CCDC83: variants seen among roughly 807,000 people sequenced by gnomAD.
CCDC83 encodes the protein coiled-coil domain containing 83.
CCDC83 carries 54 observed loss-of-function variants against 50.1 expected under a neutral mutation model. That is an observed-to-expected ratio of 1.08 (90% confidence interval 0.87 to 1.35). The LOEUF (loss-of-function observed/expected upper bound fraction) is 1.35. Ranked by LOEUF, CCDC83 falls within the 40% of genes most tolerant of loss-of-function variation. The probability of loss-of-function intolerance (pLI) is 0.00; values close to 1 mark genes in which losing one functional copy is unlikely to be tolerated. For synonymous variants in CCDC83, 161 were observed against 153.3 expected (o/e 1.05, Z -0.37); for missense variants, 518 against 473.9 (o/e 1.09, Z -0.86).
intron 1 of CCDC83, among the ~76,000 whole-genome samples, chr11:85,861,266 A>T (rs76925373): frequency 2.5e-4 from 38 of 152,334 alleles, no homozygotes; most frequent in African/African-American, 7.2e-4. Flanking sequence ...TCTAAGTTAG[A>T]TTGCTCTTTA....
At chr11:85,917,230 G>GAAAGAA (rs1554986935) in intron 10 of CCDC83, among the ~76,000 whole-genome samples, 1 of 134,276 alleles carries the variant, frequency 7.4e-6, no homozygotes, top group Non-Finnish European at 1.6e-5. Context: ...AAGAAAGAAA[G>GAAAGAA]AAAAGAAAGA....
chr11:85,906,866 C>G (rs563636737), intron 7 of CCDC83, among the ~76,000 whole-genome samples: 1 of 147,172 alleles, frequency 6.8e-6, no homozygotes, highest in South Asian at 2.2e-4. Flanking sequence ...GCCTGGGTGA[C>G]AGAATGAGAT....
intron 5 of CCDC83, among the ~76,000 whole-genome samples, chr11:85,894,210 G>A (rs901342618): frequency 5.3e-5 from 8 of 152,152 alleles, no homozygotes; most frequent in African/African-American, 1.9e-4. Context: ...ATGGAAATAA[G>A]GTTCTATAGT....
chr11:85,911,798 T>A (rs953598506), intron 8 of CCDC83, among the ~76,000 whole-genome samples: 3 of 152,082 alleles, frequency 2.0e-5, no homozygotes, highest in African/African-American at 7.2e-5. Context: ...TTCATGGAGG[T>A]GATCTGGGCT....
chr11:85,876,455 G>GTGAA (rs146567953), intron 3 of CCDC83, among the ~76,000 whole-genome samples: 2,532 of 152,272 alleles, frequency 0.017, 36 homozygotes, highest in Non-Finnish European at 0.024. Context: ...GGAAAGTAAG[G>GTGAA]TGAATAGTAG....
chr11:85,917,166 G>GAGAGAGAAAGAAAGAAAGAAAGAA (rs756949334), intron 10 of CCDC83, among the ~76,000 whole-genome samples: 3 of 62,412 alleles, frequency 4.8e-5, no homozygotes, highest in Admixed American at 2.1e-4. Context: ...GAGAGAGAGA[G>GAGAGAGAAAGAAAGAAAGAAAGAA]AGAAAGAAAG....
At position 85,886,371 on chromosome 11, in the gene CCDC83, A is replaced by G; in HGVS notation, c.511+4A>G. 1 of 1,576,066 alleles carries G rather than the reference A, an allele frequency of 6.3e-7. No individual in the cohort carries two copies. The highest frequency in any genetic ancestry group is 1.2e-5 in the South Asian group (1 of 84,044). On this transcript the variant is annotated splice_donor_region_variant and intron_variant, in intron 5 of 10. Coordinates refer to ENST00000342404, the MANE Select transcript of CCDC83 (RefSeq NM_001286159.2). ...GAGAATGCAGAGAAAATGTCAGGTC[A>G]GTTGCAACAAAACTAGTTCAAGTTC...
Position 85,916,155 on chromosome 11 carries a change from T to G in CCDC83, c.1002T>G (p.Asp334Glu), listed in dbSNP as rs1565159244. 8 of 1,613,252 alleles carry G rather than the reference T, an allele frequency of 5.0e-6. No individual in the cohort carries two copies. In the Admixed American group the frequency reaches 1.2e-4, roughly 24 times the overall value. ...AAGATCTCCAGTATGTGAAGATAGATAAAGAGGAAAACTCAGGCACAGAGT... is the reference window on the plus strand; with the variant it reads ...AAGATCTCCAGTATGTGAAGATAGAGAAAGAGGAAAACTCAGGCACAGAGT... The part of the protein sequence containing the change: ...SIEDLQYVKI[D>E]KEENSGTEFG... Residue 334 changes from aspartate (D) to glutamate (E), a missense_variant, in exon 10 of 11, where the codon GAT becomes GAG. Physicochemically the swap from Asp to Glu is conservative, Grantham distance 45. Coordinates refer to ENST00000342404, the MANE Select transcript of CCDC83 (RefSeq NM_001286159.2).
intron 7 of CCDC83, among the ~76,000 whole-genome samples, chr11:85,909,822 C>T (rs1298971006): frequency 1.3e-5 from 2 of 151,736 alleles, no homozygotes; most frequent in East Asian, 3.9e-4. Context: ...TTTGAATTAG[C>T]CACATTATTT....
intron 1 of CCDC83, among the ~76,000 whole-genome samples, chr11:85,863,380 C>G (rs2093188888): frequency 6.6e-6 from 1 of 152,086 alleles, no homozygotes; most frequent in African/African-American, 2.4e-5. Context: ...ATGATGACAC[C>G]TTTTGGTGGG....
intron 7 of CCDC83, among the ~76,000 whole-genome samples, chr11:85,904,229 A>T (rs906760816): frequency 6.6e-6 from 1 of 152,196 alleles, no homozygotes; most frequent in African/African-American, 2.4e-5. Flanking sequence ...GAGAGTTCTC[A>T]TATACGCCAC....
intron 7 of CCDC83, among the ~76,000 whole-genome samples, chr11:85,908,616 T>TAGAA (rs1299518537): frequency 4.1e-5 from 6 of 145,032 alleles, no homozygotes; most frequent in Non-Finnish European, 1.5e-5. Context: ...GATAGACAGA[T>TAGAA]AGAATTCATG....
At chr11:85,889,587 T>C (rs1161758008) in intron 5 of CCDC83, among the ~76,000 whole-genome samples, 2 of 152,200 alleles carry the variant, frequency 1.3e-5, no homozygotes, top group African/African-American at 4.8e-5. Context: ...TATTAGAACA[T>C]GTTGGGGACC....
intron 3 of CCDC83, among the ~76,000 whole-genome samples, chr11:85,879,440 C>T (rs1221259894): frequency 6.6e-6 from 1 of 151,802 alleles, no homozygotes; most frequent in Non-Finnish European, 1.5e-5. Flanking sequence ...AAAATCAGTT[C>T]GACATTGAAT....
At chr11:85,864,060 G>A (rs1419460467) in intron 1 of CCDC83, among the ~76,000 whole-genome samples, 1 of 152,188 alleles carries the variant, frequency 6.6e-6, no homozygotes. Flanking sequence ...CAGGGTCACA[G>A]AGATAACAGT....
At chr11:85,911,249 T>G in intron 7 of CCDC83, 32 bp from the exon 8 acceptor site, 1 of 1,544,600 alleles carries the variant, frequency 6.5e-7, no homozygotes, top group Non-Finnish European at 8.7e-7. Context: ...AATCAATAAG[T>G]ACCAACATTC....
intron 8 of CCDC83, chr11:85,912,502 A>G: frequency 1.5e-6 from 1 of 659,588 alleles, no homozygotes; most frequent in Non-Finnish European, 2.7e-6. Context: ...ACCAATATAG[A>G]TGAGGTGAGG....
At chr11:85,901,524 G>A (rs1183274808) in intron 7 of CCDC83, among the ~76,000 whole-genome samples, 1 of 150,698 alleles carries the variant, frequency 6.6e-6, no homozygotes, top group Non-Finnish European at 1.5e-5. Flanking sequence ...AGTCAGCTGT[G>A]ATTGAGCCAC....
chr11:85,882,725 T>C, intron 4 of CCDC83, 50 bp downstream of exon 4: 1 of 1,502,164 alleles, frequency 6.7e-7, no homozygotes, highest in Non-Finnish European at 9.2e-7. Context: ...AAGTTATTTC[T>C]TGAATATATT....
Sources: allele counts gnomAD v4.1 joint callset (sites outside exome capture counted in the v4.1 genomes callset), GRCh38; gene constraint gnomAD v4.1.1; transcripts MANE v1.5; gene names NCBI Gene and HGNC (gene_info 2026-07-23, HGNC 2026-07-21).